The following LRRC3B variants were observed in gnomAD, a reference collection of about 807,000 sequenced individuals.
The protein encoded by LRRC3B is leucine-rich repeat-containing protein 3B.
LRRC3B carries 2 observed loss-of-function variants against 12.8 expected under a neutral mutation model. The ratio of observed to expected loss-of-function variants is 0.16; its 90% confidence interval spans 0.06 to 0.49. LRRC3B has a LOEUF of 0.49. Ranked by LOEUF, LRRC3B falls within the 20% of genes least tolerant of loss-of-function variation. The pLI, the probability that LRRC3B is intolerant of heterozygous loss-of-function variation, is 0.96. For missense variants in LRRC3B, 189 were observed against 319.4 expected (o/e 0.59, Z 3.11); for synonymous variants, 132 against 122.0 (o/e 1.08, Z -0.54).
intron 1 of LRRC3B, among the ~76,000 whole-genome samples, chr3:26,628,020 G>A (rs1698667249): frequency 6.6e-6 from 1 of 152,104 alleles, no homozygotes; most frequent in African/African-American, 2.4e-5. Context: ...TTTATTCAGG[G>A]GAGCTCTATC....
chr3:26,686,540 C>G lies in LRRC3B; in HGVS notation c.-160-22973C>G, dbSNP rs145891203. On this transcript the variant is annotated intron_variant, in intron 1 of 1. Coordinates refer to ENST00000396641, the Ensembl canonical transcript of LRRC3B. ...CCCCACCAACCAACCTGCATTTCTT[C>G]TTTGATGTGTTACATAACTTCTTGG... Among the ~76,000 whole-genome samples the G allele has an allele frequency of 4.5e-3, 692 of 152,210 alleles. 4 individuals are homozygous for G. The highest frequency in any genetic ancestry group is 0.015 in the African/African-American group (643 of 41,544).
intron 1 of LRRC3B, among the ~76,000 whole-genome samples, chr3:26,661,419 C>A (rs1246241444): frequency 2.0e-5 from 3 of 152,140 alleles, no homozygotes; most frequent in East Asian, 1.9e-4. Flanking sequence ...TCCTCACATC[C>A]AAACCTTCTT....
At chr3:26,634,610 G>A (rs1698827241) in intron 1 of LRRC3B, among the ~76,000 whole-genome samples, 1 of 152,170 alleles carries the variant, frequency 6.6e-6, no homozygotes, top group African/African-American at 2.4e-5. Context: ...CTTGAGATGG[G>A]GGGAGGATTC....
intron 1 of LRRC3B, among the ~76,000 whole-genome samples, chr3:26,676,121 T>G (rs1344303380): frequency 6.6e-6 from 1 of 152,066 alleles, no homozygotes; most frequent in Non-Finnish European, 1.5e-5. Flanking sequence ...TTAGGGTACA[T>G]GTGCACAACG....
intron 1 of LRRC3B, among the ~76,000 whole-genome samples, chr3:26,708,264 G>T (rs1700653775): frequency 1.3e-5 from 2 of 152,192 alleles, no homozygotes; most frequent in South Asian, 2.1e-4. Flanking sequence ...CCTACAAAAT[G>T]CAGAGGGACC....
intron 1 of LRRC3B, among the ~76,000 whole-genome samples, chr3:26,654,996 T>C (rs1699340631): frequency 6.6e-6 from 1 of 152,168 alleles, no homozygotes; most frequent in Admixed American, 6.5e-5. Context: ...TAGTTTTACT[T>C]AAATATATTT....
intron 1 of LRRC3B, among the ~76,000 whole-genome samples, chr3:26,669,949 A>C (rs1163716901): frequency 6.6e-6 from 1 of 152,202 alleles, no homozygotes; most frequent in East Asian, 1.9e-4. Flanking sequence ...TCCAATGTTC[A>C]TCACATTTTC....
chr3:26,684,124 A>T (rs910843377), intron 1 of LRRC3B, among the ~76,000 whole-genome samples: 4 of 152,216 alleles, frequency 2.6e-5, no homozygotes, highest in Non-Finnish European at 5.9e-5. Context: ...ATTCCTTGGA[A>T]TCTTTATTCT....
chr3:26,638,207 G>A (rs1698943343), intron 1 of LRRC3B, among the ~76,000 whole-genome samples: 2 of 151,932 alleles, frequency 1.3e-5, no homozygotes, highest in African/African-American at 4.8e-5. Flanking sequence ...TATATTATGA[G>A]GTGCTATGAT....
At chr3:26,707,776 GT>G (rs34355790) in intron 1 of LRRC3B, among the ~76,000 whole-genome samples, 19 of 143,250 alleles carry the variant, frequency 1.3e-4, no homozygotes, top group South Asian at 4.6e-4. Context: ...TTCCACACCT[GT>G]TTTTTTTTTT....
At chr3:26,710,283 A>G in exon 2 of LRRC3B, 1 of 1,613,986 alleles carries the variant, frequency 6.2e-7, no homozygotes, top group Non-Finnish European at 8.5e-7. Flanking sequence ...ACTACCGATT[A>G]TGCCATGCTG....
chr3:26,633,184 C>T (rs1406174669), intron 1 of LRRC3B, among the ~76,000 whole-genome samples: 1 of 152,114 alleles, frequency 6.6e-6, no homozygotes, highest in African/African-American at 2.4e-5. Flanking sequence ...CTCTCTCTCC[C>T]TTTCTTCCAT....
intron 1 of LRRC3B, among the ~76,000 whole-genome samples, chr3:26,707,858 G>A (rs1028545688): frequency 2.0e-5 from 3 of 152,024 alleles, no homozygotes; most frequent in Non-Finnish European, 4.4e-5. Flanking sequence ...ATGAAAAGGA[G>A]GACACTTTCA....
intron 1 of LRRC3B, among the ~76,000 whole-genome samples, chr3:26,692,547 A>G (rs1052307625): frequency 6.6e-6 from 1 of 152,202 alleles, no homozygotes; most frequent in Non-Finnish European, 1.5e-5. Flanking sequence ...GTATCTAATG[A>G]CAATGGAACT....
intron 1 of LRRC3B, among the ~76,000 whole-genome samples, chr3:26,638,755 T>C (rs1454873115): frequency 1.3e-5 from 2 of 152,230 alleles, no homozygotes; most frequent in Non-Finnish European, 2.9e-5. Flanking sequence ...AGTGGTATAA[T>C]GCTTTGAATA....
intron 1 of LRRC3B, among the ~76,000 whole-genome samples, chr3:26,632,160 G>A (rs1422614485): frequency 7.9e-5 from 12 of 152,220 alleles, no homozygotes; most frequent in Non-Finnish European, 1.8e-4. Flanking sequence ...GTACAAAGGG[G>A]TGAAACAATT....
chr3:26,646,420 G>A (rs1462044010), intron 1 of LRRC3B, among the ~76,000 whole-genome samples: 1 of 151,932 alleles, frequency 6.6e-6, no homozygotes, highest in Non-Finnish European at 1.5e-5. Context: ...TTGCAACACC[G>A]ATCAAGATCC....
At chr3:26,710,092 C>G (rs762584371) in exon 2 of LRRC3B, 2 of 1,614,086 alleles carry the variant, frequency 1.2e-6, no homozygotes, top group Admixed American at 1.7e-5. Flanking sequence ...AGGCCAGGGC[C>G]AGAATTGCCA....
At chr3:26,654,044 G>T (rs1407114027) in intron 1 of LRRC3B, among the ~76,000 whole-genome samples, 1 of 152,132 alleles carries the variant, frequency 6.6e-6, no homozygotes, top group African/African-American at 2.4e-5. Flanking sequence ...AAGCCTAGCT[G>T]AATTGCTGTG....
Sources: gnomAD v4.1 joint callset for allele counts (sites outside exome capture counted in the v4.1 genomes callset) on GRCh38, gnomAD v4.1.1 for gene constraint, MANE v1.5 for transcripts, NCBI Gene and HGNC (gene_info 2026-07-23, HGNC 2026-07-21) for gene names.